The following RNASEL variants were observed in gnomAD, a reference collection of about 807,000 sequenced individuals.
RNASEL encodes 2-5A-dependent ribonuclease.
Under a neutral mutation model 50.9 loss-of-function variants are expected in RNASEL, and 36 were observed. The ratio of observed to expected loss-of-function variants is 0.71; its 90% CI spans 0.54 to 0.93. The LOEUF (loss-of-function observed/expected upper bound fraction) is 0.93, where lower values mean the gene tolerates loss of function less well. Among genes scored for constraint, RNASEL ranks in the 40% least tolerant of loss-of-function variants. The probability of loss-of-function intolerance (pLI) is 0.00; values close to 1 mark genes in which losing one functional copy is unlikely to be tolerated. For missense variants in RNASEL, 860 were observed against 894.5 expected (o/e 0.96, Z 0.49); for synonymous variants, 335 against 335.6 (o/e 1.00, Z 0.02).
intron 3 of RNASEL, 99 bp from the exon 4 acceptor site, chr1:182,582,357 G>T: frequency 7.3e-7 from 1 of 1,378,134 alleles, no homozygotes; most frequent in Non-Finnish European, 1.0e-6. Flanking sequence ...ATGATGGGAG[G>T]AATCTCAAGG....
In RNASEL at chr1:182,581,355, C is replaced by A. The variant is rs35896902; in HGVS notation, c.1775G>T (p.Arg592Leu). 6.2e-7 allele frequency: 1 copy of A among 1,613,812 alleles called. No homozygotes were observed. Among genetic ancestry groups the A allele is most frequent in the Non-Finnish European group, 8.5e-7 (1 of 1,179,950 alleles). Residue 592 changes from arginine (R) to leucine (L), a missense_variant and splice_region_variant, in exon 5 of 7, where the codon CGC (arginine) becomes CTC (leucine). Transcript: ENST00000367559. ...TCCCACATTCCGAAGCGTCCTATAG[C>A]GGCTGAAGATGACTAAATGATCTAA... ...GHPFFWTWES[R>L]YRTLRNVGNE...
Position 182,586,951 on chromosome 1 carries a change from T to C in RNASEL, c.-145A>G. On this transcript the variant is annotated 5_prime_UTR_variant, in exon 2 of 7. An upstream open reading frame in the 5' UTR loses its in-frame stop. Coordinates refer to ENST00000367559, the MANE Select transcript of RNASEL (RefSeq NM_021133.4). ...GCAGTATGAAGAAGGAACAATGTTC[T>C]CAGTCTTCTGACATTCCACCTGGCA... 1 of 1,082,988 alleles carries C rather than the reference T, an allele frequency of 9.2e-7. No individual in the cohort carries two copies. Among genetic ancestry groups the C allele is most frequent in the Non-Finnish European group, 1.4e-6 (1 of 723,124 alleles). The allele number at this position is 1,082,988 out of a possible 1,614,324, so 67.1% of individuals were successfully genotyped here.
At position 182,573,789 on chromosome 1, in the gene RNASEL, C is replaced by T. The variant is rs941186559; in HGVS notation, c.*1603G>A. On this transcript the variant is annotated 3_prime_UTR_variant, in exon 7 of 7. Coordinates refer to ENST00000367559, the MANE Select transcript of RNASEL (RefSeq NM_021133.4). ...GTATTTTTTAAGCCTTAAATTTGTT[C>T]CTAATCAACATTTAATTTCATTCAG... is the stretch of plus-strand genomic sequence containing the variant. The T allele has an allele frequency of 2.7e-5, 5 of 185,800 alleles. No homozygotes were observed. Among genetic ancestry groups the T allele is most frequent in the African/African-American group, 1.2e-4 (5 of 42,714 alleles). 11.5% of individuals were successfully genotyped at this position (185,800 alleles called of 1,614,324 possible).
intron 5 of RNASEL, chr1:182,578,894 T>C (rs551591439): frequency 6.6e-6 from 1 of 152,296 alleles, no homozygotes; most frequent in East Asian, 1.9e-4. Context: ...ATTTCAGCCA[T>C]AAAAAAGAAG....
In RNASEL at chr1:182,574,508, C is replaced by T; in HGVS notation, c.*884G>A. On this transcript the variant is annotated 3_prime_UTR_variant, in exon 7 of 7. Transcript: ENST00000367559. ...CACAGTCCTGGGCCTTAAGCTAGTT[C>T]AAAAGCATCCCAGCCCCTTAAGTCA... is the stretch of plus-strand genomic sequence containing the variant. 1 of 232,148 alleles carries T rather than the reference C, an allele frequency of 4.3e-6. No individual in the cohort carries two copies. The highest frequency in any genetic ancestry group is 6.1e-5 in the East Asian group (1 of 16,426). 14.4% of individuals were successfully genotyped at this position (232,148 alleles called of 1,614,324 possible).
rs781464201 is a variant in RNASEL, at chr1:182,581,226, T to C, written c.1904A>G (p.Lys635Arg). 76 of 1,614,044 alleles carry C rather than the reference T, an allele frequency of 4.7e-5. No individual in the cohort carries two copies. Among genetic ancestry groups the C allele is most frequent in the Non-Finnish European group, 6.4e-5 (75 of 1,180,038 alleles). ...HSKSFDKWTTKINECVMKKMN... is the reference protein window; with the variant it reads ...HSKSFDKWTTRINECVMKKMN... ...CTGCACTATAGGAATTGTTCATACCTTAGTCGTCCACTTGTCAAAACTTTT... is the reference window on the plus strand; with the variant it reads ...CTGCACTATAGGAATTGTTCATACCCTAGTCGTCCACTTGTCAAAACTTTT... The change falls in exon 5 of 7, where the codon AAG becomes AGG. Residue 635 changes from lysine (K) to arginine (R), a missense_variant and splice_region_variant. By Grantham distance (26) the Lys-to-Arg change is conservative. Coordinates refer to ENST00000367559, the MANE Select transcript of RNASEL (RefSeq NM_021133.4).
chr1:182,576,341 C>G lies in RNASEL; in HGVS notation c.1954G>C (p.Gly652Arg), dbSNP rs776441039. ...CCCACAGTGTTCTGGTAGAAATTGC[C>G]TCTTTTTTCATAAAACTTATTCATT... Reference protein sequence around the residue: ...KKMNKFYEKRGNFYQNTVGDL... With the variant: ...KKMNKFYEKRRNFYQNTVGDL... Residue 652 changes from glycine (G) to arginine (R), a missense_variant, in exon 6 of 7, where the codon GGC (glycine) becomes CGC (arginine). Transcript: ENST00000367559. 6.2e-7 allele frequency: 1 copy of G among 1,605,654 alleles called. No homozygotes were observed. Among genetic ancestry groups the G allele is most frequent in the South Asian group, 1.1e-5 (1 of 90,292 alleles).
intron 6 of RNASEL, among the ~76,000 whole-genome samples, chr1:182,576,009 G>C (rs1488148670): frequency 2.0e-5 from 3 of 152,180 alleles, no homozygotes; most frequent in Non-Finnish European, 2.9e-5. Context: ...GGAGTCACTA[G>C]CTCCTGTTCA....
At chr1:182,581,512 C>G in intron 4 of RNASEL, among the ~76,000 whole-genome samples, 155 bp from the exon 5 acceptor site, 1 of 109,330 alleles carries the variant, frequency 9.1e-6, no homozygotes, top group East Asian at 2.8e-4. Flanking sequence ...GATGGAGTCT[C>G]GCTCTGTCCC....
rs550534814 is a variant in RNASEL, at chr1:182,577,506, T to C, written c.1906-1117A>G. Among the ~76,000 whole-genome samples the C allele has an allele frequency of 2.2e-4, 33 of 152,296 alleles. 1 individual carries two copies. The highest frequency in any genetic ancestry group is 7.5e-4 in the African/African-American group (31 of 41,566). On this transcript the variant is annotated intron_variant, in intron 5 of 6. Coordinates refer to ENST00000367559, the MANE Select transcript of RNASEL (RefSeq NM_021133.4). The stretch of plus-strand genomic sequence containing the variant: ...TTTTGTTTGTTTGTTTTTGTTTTTT[T>C]AGGTATATTTCCAAAAGGAATAACT...
intron 5 of RNASEL, 75 bp downstream of exon 5, chr1:182,581,146 AAGAT>A (rs1381146275): frequency 8.1e-6 from 13 of 1,607,264 alleles, no homozygotes; most frequent in African/African-American, 1.3e-5. Flanking sequence ...GGTGTAAAAT[AAGAT>A]AGAAAAACTA....
At chr1:182,576,742 G>C (rs116743604) in intron 5 of RNASEL, 2 of 199,654 alleles carry the variant, frequency 1.0e-5, no homozygotes, top group African/African-American at 4.8e-5. Flanking sequence ...GCGTGGTGGC[G>C]CTGCCTGTAA....
chr1:182,586,842 T>G lies in RNASEL; in HGVS notation c.-36A>C. On this transcript the variant is annotated 5_prime_UTR_variant, in exon 2 of 7. Transcript: ENST00000367559. ...GCCACCTGCTACCACTTTTAGCCTT[T>G]TCCTTGAGAAAATGCAAATTTATCT... 6.2e-7 allele frequency: 1 copy of G among 1,613,178 alleles called. No homozygotes were observed. Among genetic ancestry groups the G allele is most frequent in the South Asian group, 1.1e-5 (1 of 91,044 alleles).
chr1:182,575,047 G>T lies in RNASEL; in HGVS notation c.*345C>A. 1 of 372,548 alleles carries T rather than the reference G, an allele frequency of 2.7e-6. No homozygotes were observed. The highest frequency in any genetic ancestry group is 4.9e-6 in the Non-Finnish European group (1 of 202,230). The allele number at this position is 372,548 out of a possible 1,614,324, so 23.1% of individuals were successfully genotyped here. A position where few individuals can be genotyped will look rare whatever the true frequency, so the allele number is the denominator to read the frequency against. On this transcript the variant is annotated 3_prime_UTR_variant, in exon 7 of 7. Coordinates refer to ENST00000367559, the MANE Select transcript of RNASEL (RefSeq NM_021133.4). ...CTCAGGTTCCTCAGTTCTTAAATGG[G>T]GATGATAATCCCTGTTTTGCAAGAT...
rs1402903224 is a variant in RNASEL, at chr1:182,575,583, A to G, written c.2040-5T>C. 1 of 1,614,132 alleles carries G rather than the reference A, an allele frequency of 6.2e-7. No individual in the cohort carries two copies. The highest frequency in any genetic ancestry group is 8.5e-7 in the Non-Finnish European group (1 of 1,180,018). On this transcript the variant is annotated splice_polypyrimidine_tract_variant and splice_region_variant and intron_variant, in intron 6 of 6. Coordinates refer to ENST00000367559, the MANE Select transcript of RNASEL (RefSeq NM_021133.4). ...TCTCCAATTTTTAATTTCATCCTGA[A>G]ATAAAACACAAATTGTTCAGCATGC...
chr1:182,577,402 C>T (rs1661410717), intron 5 of RNASEL, among the ~76,000 whole-genome samples: 2 of 152,070 alleles, frequency 1.3e-5, no homozygotes, highest in African/African-American at 4.8e-5. Flanking sequence ...CTTTCAAATT[C>T]GTACTTGATT....
chr1:182,582,359 A>G (rs75403961), intron 3 of RNASEL, 101 bp from the exon 4 acceptor site: 15,249 of 1,380,964 alleles, frequency 0.011, 138 homozygotes, highest in Non-Finnish European at 0.013. Flanking sequence ...GATGGGAGGA[A>G]TCTCAAGGAA....
chr1:182,575,543 A>AAATACAGG lies in RNASEL; in HGVS notation c.2067_2074dup (p.Phe692SerfsTer12). ...CACCAGATCTGGAAATGTCTTCTGA[A>AAATACAGG]AATACAGGGAAGGGTCTCCAATTTT... On this transcript the variant is annotated frameshift_variant, in exon 7 of 7. Transcript: ENST00000367559. LOFTEE classifies it low-confidence loss of function (END_TRUNC). 6.2e-7 allele frequency: 1 copy of AAATACAGG among 1,614,212 alleles called. No homozygotes were observed. The highest frequency in any genetic ancestry group is 8.5e-7 in the Non-Finnish European group (1 of 1,180,034).
At position 182,575,422 on chromosome 1, in the gene RNASEL, C is replaced by T. The variant is rs1162332987; in HGVS notation, c.2196G>A (p.Gly732=). Residue 732 remains glycine, a synonymous_variant, in exon 7 of 7, where the codon GGG becomes GGA. Transcript: ENST00000367559. ...ACCCAGGGCTGGCCAACCCACTGGCCCCACCAGCTCCATCACACTGAGGCT... is the reference window on the plus strand; with the variant it reads ...ACCCAGGGCTGGCCAACCCACTGGCTCCACCAGCTCCATCACACTGAGGCT... The part of the protein sequence containing the change: ...PNKPQCDGAG[G]ASGLASPGC The T allele has an allele frequency of 6.2e-7, 1 of 1,614,108 alleles. No homozygotes were observed. Among genetic ancestry groups the T allele is most frequent in the Non-Finnish European group, 8.5e-7 (1 of 1,180,024 alleles).
Sources: allele counts gnomAD v4.1 joint callset (sites outside exome capture counted in the v4.1 genomes callset), GRCh38; gene constraint gnomAD v4.1.1; transcripts MANE v1.5; gene names NCBI Gene and HGNC (gene_info 2026-07-23, HGNC 2026-07-21).